The following DNAH8 variants were observed in gnomAD, a reference collection of about 807,000 sequenced individuals.
DNAH8 encodes dynein axonemal heavy chain 8.
DNAH8 carries 382 observed loss-of-function variants against 562.1 expected under a neutral mutation model. That is an observed-to-expected ratio of 0.68 (90% CI 0.63 to 0.74). DNAH8 has a LOEUF of 0.74. DNAH8 is among the 30% of genes least tolerant of loss of function. DNAH8 has a pLI of 0.00. For missense variants in DNAH8, 5,203 were observed against 5,620.4 expected (o/e 0.93, Z 2.37); for synonymous variants, 1,881 against 1,919.4 (o/e 0.98, Z 0.52).
chr6:38,870,686 A>G, intron 49 of DNAH8, 124 bp downstream of exon 49: 3 of 944,822 alleles, frequency 3.2e-6, no homozygotes, highest in Non-Finnish European at 3.1e-6. Context: ...TCATATATAC[A>G]TCATTGCAAA....
At chr6:38,948,142 A>G (rs1160348324) in intron 80 of DNAH8, among the ~76,000 whole-genome samples, 3 of 152,128 alleles carry the variant, frequency 2.0e-5, no homozygotes, top group Non-Finnish European at 4.4e-5. Flanking sequence ...CTCTATCTGT[A>G]TCCTGTATGA....
intron 73 of DNAH8, 121 bp from the exon 74 acceptor site, chr6:38,925,934 C>T (rs1229858625): frequency 3.2e-6 from 3 of 929,280 alleles, no homozygotes; most frequent in Non-Finnish European, 4.5e-6. Flanking sequence ...GTACAAGTTG[C>T]ATAGTCTCAA....
chr6:38,842,628 A>C, intron 34 of DNAH8, 35 bp from the exon 35 acceptor site: 1 of 1,601,560 alleles, frequency 6.2e-7, no homozygotes, highest in Admixed American at 1.7e-5. Flanking sequence ...ATAAATGTGA[A>C]GGTGGCATAT....
chr6:38,781,230 T>G, intron 15 of DNAH8, 24 bp from the exon 16 acceptor site: 11 of 1,612,794 alleles, frequency 6.8e-6, no homozygotes, highest in Non-Finnish European at 8.5e-6. Flanking sequence ...AATTCAAACA[T>G]TAACATCAGA....
intron 41 of DNAH8, among the ~76,000 whole-genome samples, chr6:38,855,515 A>G (rs1298385270): frequency 1.3e-5 from 2 of 151,914 alleles, no homozygotes; most frequent in African/African-American, 2.4e-5. Context: ...CTTTTTTTAA[A>G]TTGACATATA....
intron 8 of DNAH8, 65 bp downstream of exon 8, chr6:38,741,952 G>A (rs1004454068): frequency 1.5e-6 from 2 of 1,379,298 alleles, no homozygotes; most frequent in Non-Finnish European, 2.0e-6. Flanking sequence ...TTATCCTATT[G>A]AACTACTTCT....
At chr6:39,001,440 C>G (rs956147365) in intron 88 of DNAH8, among the ~76,000 whole-genome samples, 1 of 152,004 alleles carries the variant, frequency 6.6e-6, no homozygotes, top group African/African-American at 2.4e-5. Flanking sequence ...GGAAGGCTGT[C>G]TAGAGGTGAA....
intron 1 of DNAH8, among the ~76,000 whole-genome samples, chr6:38,718,840 G>A (rs1228701468): frequency 6.6e-6 from 1 of 152,134 alleles, no homozygotes; most frequent in Non-Finnish European, 1.5e-5. Flanking sequence ...AATATGATAT[G>A]ATGTCGTTCT....
At chr6:38,807,056 A>G (rs1771344298) in intron 23 of DNAH8, among the ~76,000 whole-genome samples, 1 of 152,204 alleles carries the variant, frequency 6.6e-6, no homozygotes. Context: ...ACCAGGCTCA[A>G]AACCTGTCCT....
At chr6:38,738,065 T>A (rs1764244306) in intron 7 of DNAH8, 93 bp downstream of exon 7, 17 of 1,331,462 alleles carry the variant, frequency 1.3e-5, no homozygotes, top group Non-Finnish European at 1.5e-5. Flanking sequence ...GGAAGAGGTG[T>A]CTCCTTTGAC....
intron 11 of DNAH8, among the ~76,000 whole-genome samples, chr6:38,768,377 C>A (rs928161776): frequency 6.6e-6 from 1 of 152,070 alleles, no homozygotes; most frequent in African/African-American, 2.4e-5. Flanking sequence ...AAGGGCTCCT[C>A]CTACCTCTGC....
At chr6:38,768,867 G>T (rs1390413810) in intron 11 of DNAH8, among the ~76,000 whole-genome samples, 1 of 152,088 alleles carries the variant, frequency 6.6e-6, no homozygotes, top group Non-Finnish European at 1.5e-5. Context: ...CTACTTGCAG[G>T]ATTCCATGTT....
chr6:38,719,590 T>C (rs959382847), intron 1 of DNAH8, among the ~76,000 whole-genome samples: 8 of 152,176 alleles, frequency 5.3e-5, no homozygotes, highest in African/African-American at 1.7e-4. Flanking sequence ...TAGTATTCCA[T>C]GGTATATATT....
At position 38,926,077 on chromosome 6, in the gene DNAH8, G is replaced by A. The variant is rs371685174; in HGVS notation, c.10985G>A (p.Gly3662Glu). Residue 3662 changes from glycine (G) to glutamate (E), a missense_variant, in exon 74 of 93, where the codon GGA becomes GAA. Gly to Glu is a moderately conservative substitution (Grantham distance 98, BLOSUM62 -2). Around this residue, in one of 6 missense-constraint regions of DNAH8, gnomAD observed 1,399 missense variants for 1,518.4 expected, o/e 0.92. Transcript: ENST00000327475. ...PPTIGEWGLQ[G>E]LPGDDLSIQN... The stretch of plus-strand genomic sequence containing the variant: ...CAGATTGGTGAGTGGGGGCTACAGG[G>A]ATTACCAGGAGATGATCTCTCAATT... 1.2e-5 allele frequency: 20 copies of A among 1,613,462 alleles called. No individual in the cohort carries two copies. The highest frequency in any genetic ancestry group is 1.7e-5 in the Non-Finnish European group (20 of 1,179,722).
In DNAH8 at chr6:38,870,451, A is replaced by C; in HGVS notation, c.6879A>C (p.Pro2293=). The C allele has an allele frequency of 3.1e-6, 5 of 1,614,094 alleles. No homozygotes were observed. The highest frequency in any genetic ancestry group is 1.7e-4 in the Middle Eastern group (1 of 6,058). The change falls in exon 49 of 93, where the codon CCA becomes CCC. Residue 2293 remains proline, a synonymous_variant. Coordinates refer to ENST00000327475, the MANE Select transcript of DNAH8 (RefSeq NM_001206927.2). ...LFLSLINDLF[P]GLQLDSNTYA... ...TCAGCTTAATCAATGACCTGTTCCC[A>C]GGACTGCAACTGGATAGTAATACTT...
chr6:38,716,263 ATACC>A (rs1173406031), intron 1 of DNAH8, among the ~76,000 whole-genome samples: 1 of 151,536 alleles, frequency 6.6e-6, no homozygotes, highest in Non-Finnish European at 1.5e-5. Flanking sequence ...GCCCGGCCAT[ATACC>A]TATATATTTT....
chr6:38,975,776 T>C (rs1394069844), intron 85 of DNAH8, among the ~76,000 whole-genome samples: 1 of 152,240 alleles, frequency 6.6e-6, no homozygotes, highest in Non-Finnish European at 1.5e-5. Context: ...CACATCCTAA[T>C]ACAAATATTG....
chr6:38,763,065 A>G, intron 11 of DNAH8: 1 of 379,716 alleles, frequency 2.6e-6, no homozygotes. Flanking sequence ...GTTTTAAAAC[A>G]TCATGGAAAG....
chr6:39,013,267 C>G (rs986180368), intron 91 of DNAH8, among the ~76,000 whole-genome samples: 8 of 152,174 alleles, frequency 5.3e-5, no homozygotes, highest in Middle Eastern at 6.3e-3. Flanking sequence ...AGTTTTACTT[C>G]AAGTAATTCT....
Sources: allele counts gnomAD v4.1 joint callset (sites outside exome capture counted in the v4.1 genomes callset), GRCh38; gene constraint gnomAD v4.1.1; regional missense constraint gnomAD v4.1.1; transcripts MANE v1.5; gene names NCBI Gene and HGNC (gene_info 2026-07-23, HGNC 2026-07-21).